Variants in TRIM9 observed in about 807,000 individuals in gnomAD.
TRIM9 encodes E3 ubiquitin-protein ligase TRIM9.
Under a neutral mutation model 78.3 loss-of-function variants are expected in TRIM9, and 26 were observed. The observed-to-expected ratio is 0.33, with a 90% confidence interval of 0.24 to 0.46. TRIM9 has a LOEUF of 0.46. Ranked by LOEUF, TRIM9 falls within the 20% of genes least tolerant of loss-of-function variation. The probability of loss-of-function intolerance (pLI) is 1.00; values close to 1 mark genes in which losing one functional copy is unlikely to be tolerated. For synonymous variants in TRIM9, 398 were observed against 416.5 expected, an observed-to-expected ratio of 0.96 and a Z score of 0.54; for missense variants, 787 against 1,036.4, an observed-to-expected ratio of 0.76 and a Z score of 3.30.
At position 51,000,710 on chromosome 14, in the gene TRIM9, C is replaced by T. The variant is rs1566562888; in HGVS notation, c.1437G>A (p.Leu479=). 6.2e-7 allele frequency: 1 copy of T among 1,614,160 alleles called. No individual in the cohort carries two copies. The highest frequency in any genetic ancestry group is 1.1e-5 in the South Asian group (1 of 91,080). The part of the protein sequence containing the change: ...TVPADGYILE[L]DDGNGGQFRE... ...GGAATTGACCACCGTTGCCATCATC[C>T]AGCTCCAGAATGTATCCATCGGCGG... is the stretch of plus-strand genomic sequence containing the variant. Residue 479 remains leucine (L), a synonymous_variant, in exon 6 of 13, where the codon CTG becomes CTA. Transcript: ENST00000684578.
chr14:51,009,201 C>T lies in TRIM9; in HGVS notation c.1185G>A (p.Leu395=). Residue 395 remains leucine, a synonymous_variant, in exon 5 of 13, where the codon CTG becomes CTA. Coordinates refer to ENST00000684578, the MANE Select transcript of TRIM9 (RefSeq NM_001387360.1). ...TGCCTTTACCCCACTGATCCTCAGT[C>T]AGGTGCACTCTTCTTATGAGGGCGT... The part of the protein sequence containing the change: ...ISDALIRRVH[L]TEDQWGKGTL... The T allele has an allele frequency of 6.2e-7, 1 of 1,614,090 alleles. No homozygotes were observed. The highest frequency in any genetic ancestry group is 8.5e-7 in the Non-Finnish European group (1 of 1,179,954).
chr14:50,977,945 T>C (rs1399726923), intron 12 of TRIM9, among the ~76,000 whole-genome samples: 1 of 151,490 alleles, frequency 6.6e-6, no homozygotes, highest in African/African-American at 2.4e-5. Flanking sequence ...TCTTTATCAA[T>C]AGATAATCAG....
rs779404291 is a variant in TRIM9, at chr14:50,979,289, T to C, written c.2325+98A>G. The stretch of plus-strand genomic sequence containing the variant: ...TCATATCTTGGTCTGGGCCTTACGC[T>C]GTCAGCTTCCCTCTCTTCGGTTGGA... On this transcript the variant is annotated intron_variant, in intron 12 of 12. Transcript: ENST00000684578. The C allele has an allele frequency of 3.1e-6, 5 of 1,602,240 alleles. No individual in the cohort carries two copies. The South Asian group carries it at 4.4e-5, about 14-fold the overall frequency.
At chr14:50,985,023 C>T (rs998018126) in intron 8 of TRIM9, among the ~76,000 whole-genome samples, 5 of 151,954 alleles carry the variant, frequency 3.3e-5, no homozygotes, top group African/African-American at 9.7e-5. Context: ...GTGGGATGAG[C>T]AAAAAGAATA....
chr14:51,092,260 A>G (rs2064421487), intron 1 of TRIM9, among the ~76,000 whole-genome samples: 1 of 152,234 alleles, frequency 6.6e-6, no homozygotes, highest in Admixed American at 6.5e-5. Context: ...TTAGGCTTCA[A>G]TTTGTGCTAA....
rs971624203 is a variant in TRIM9 at position 51,025,500 on chromosome 14, A to C, written c.823-140T>G. ...TGGACCTTTTTGCTGGCATTTGTAC[A>C]GGTAGATTCTGGTGTCGAAACTCCC... On this transcript the variant is annotated intron_variant, in intron 1 of 12. Coordinates refer to ENST00000684578, the MANE Select transcript of TRIM9 (RefSeq NM_001387360.1). 12 of 691,610 alleles carry C rather than the reference A, an allele frequency of 1.7e-5. No homozygotes were observed. In the African/African-American group the frequency reaches 2.0e-4, roughly 11 times the overall value. 42.8% of individuals were successfully genotyped at this position (691,610 alleles called of 1,614,324 possible).
chr14:51,053,626 T>C, intron 1 of TRIM9, among the ~76,000 whole-genome samples: 1 of 147,664 alleles, frequency 6.8e-6, no homozygotes, highest in East Asian at 1.9e-4. Flanking sequence ...CTCTAAGTTT[T>C]AGGGTACATG....
chr14:51,025,743 AGGGCTATT>A (rs2058164576), intron 1 of TRIM9, among the ~76,000 whole-genome samples: 1 of 125,516 alleles, frequency 8.0e-6, no homozygotes, highest in African/African-American at 3.5e-5. Flanking sequence ...CTTAGCACAA[AGGGCTATT>A]GGTCTGGGTA....
At chr14:51,086,711 G>A (rs578082924) in intron 1 of TRIM9, among the ~76,000 whole-genome samples, 3 of 152,250 alleles carry the variant, frequency 2.0e-5, no homozygotes, top group African/African-American at 2.4e-5. Flanking sequence ...AGGAGGGTGA[G>A]CTGAACAGGT....
chr14:51,037,081 G>A (rs112500608), intron 1 of TRIM9, among the ~76,000 whole-genome samples: 10 of 152,064 alleles, frequency 6.6e-5, no homozygotes, highest in African/African-American at 2.4e-4. Flanking sequence ...ACCAAGATTT[G>A]TCCATGATTA....
At chr14:50,985,671 G>A (rs542433479) in intron 8 of TRIM9, among the ~76,000 whole-genome samples, 53 of 152,234 alleles carry the variant, frequency 3.5e-4, no homozygotes, top group African/African-American at 1.2e-3. Context: ...TGACAGAGCG[G>A]GTTATCCATG....
chr14:51,015,867 T>A (rs991371148), intron 3 of TRIM9, among the ~76,000 whole-genome samples: 7 of 152,222 alleles, frequency 4.6e-5, no homozygotes, highest in African/African-American at 1.7e-4. Context: ...ACTAATGAAC[T>A]GCAGCCTAAG....
At chr14:51,024,521 T>C (rs1166342288) in intron 2 of TRIM9, among the ~76,000 whole-genome samples, 1 of 152,250 alleles carries the variant, frequency 6.6e-6, no homozygotes, top group Non-Finnish European at 1.5e-5. Context: ...GAGGCAAACC[T>C]CAAAACATAA....
Position 51,079,517 on chromosome 14 carries a change from G to A in TRIM9, c.822+14601C>T, listed in dbSNP as rs1285710419. 2.0e-5 allele frequency among the ~76,000 whole-genome samples: 3 copies of A among 152,202 alleles called. No homozygotes were observed. In the East Asian group the frequency reaches 5.8e-4, roughly 29 times the overall value. On this transcript the variant is annotated intron_variant, in intron 1 of 12. Transcript: ENST00000684578. ...CATGTTTCAAAAGAAAAGATATTAT[G>A]TGAGTGCATTTTTTATGTAGCCCAG...
At chr14:50,980,105 C>T (rs1393269444) in intron 11 of TRIM9, among the ~76,000 whole-genome samples, 1 of 152,186 alleles carries the variant, frequency 6.6e-6, no homozygotes, top group Non-Finnish European at 1.5e-5. Context: ...CTTATGTTAT[C>T]CATTAAACAG....
chr14:50,985,913 AG>A, intron 8 of TRIM9, 42 bp downstream of exon 8: 1 of 1,400,258 alleles, frequency 7.1e-7, no homozygotes, highest in African/African-American at 1.5e-5. Context: ...GATGCCTTCA[AG>A]GCACAGAGAT....
chr14:51,056,117 G>A (rs4526941), intron 1 of TRIM9, among the ~76,000 whole-genome samples: 75,261 of 151,960 alleles, frequency 0.5, 19,144 homozygotes, highest in African/African-American at 0.58. Flanking sequence ...AAAAGCAAAC[G>A]TCTACAATGG....
intron 1 of TRIM9, among the ~76,000 whole-genome samples, chr14:51,038,281 A>G (rs1176153110): frequency 6.6e-6 from 1 of 152,238 alleles, no homozygotes; most frequent in East Asian, 1.9e-4. Context: ...ATTCTCCTTT[A>G]GAGCATCCGG....
intron 1 of TRIM9, among the ~76,000 whole-genome samples, chr14:51,053,427 A>AGTTTG (rs1656515877): frequency 6.6e-6 from 1 of 151,272 alleles, no homozygotes; most frequent in African/African-American, 2.4e-5. Context: ...TTCAGTACTC[A>AGTTTG]GTTTGTATCA....
Sources: gnomAD v4.1 joint callset for allele counts (sites outside exome capture counted in the v4.1 genomes callset) on GRCh38, gnomAD v4.1.1 for gene constraint, MANE v1.5 for transcripts, NCBI Gene and HGNC (gene_info 2026-07-23, HGNC 2026-07-21) for gene names.